The following STRA6 variants were observed in gnomAD, a reference collection of about 807,000 sequenced individuals.
STRA6 encodes receptor for retinol uptake STRA6.
STRA6 carries 48 observed loss-of-function variants against 83.6 expected under a neutral mutation model. The ratio of observed to expected loss-of-function variants is 0.57; its 90% CI spans 0.46 to 0.73. The LOEUF (loss-of-function observed/expected upper bound fraction) is 0.73, where lower values mean the gene tolerates loss of function less well. Among genes scored for constraint, STRA6 ranks in the 30% least tolerant of loss-of-function variants. The pLI is 0.00. For missense variants in STRA6, 760 were observed against 838.8 expected (o/e 0.91, Z 1.16); for synonymous variants, 353 against 362.3 (o/e 0.97, Z 0.29).
rs754307862 is a variant in STRA6 at position 74,195,466 on chromosome 15, C to A, written c.433G>T (p.Ala145Ser). Residue 145 changes from alanine to serine, a missense_variant and splice_region_variant, in exon 7 of 19, where the codon GCC (alanine) becomes TCC (serine). By Grantham distance (99) the Ala-to-Ser change is moderately conservative. Coordinates refer to ENST00000395105, the MANE Select transcript of STRA6 (RefSeq NM_022369.4). ...QDGKTEAPRG[A>S]WKILGLFYYA... is the part of the protein sequence containing the mutation. Reference sequence around the variant, plus strand: ...TAGAACAGTCCCAGTATCTTCCAGGCCCCTGGAAGGTGAAACAAGCAGAGA... The same window carrying A: ...TAGAACAGTCCCAGTATCTTCCAGGACCCTGGAAGGTGAAACAAGCAGAGA... 65 of 1,612,922 alleles carry A rather than the reference C, an allele frequency of 4.0e-5. No homozygotes were observed. The highest frequency in any genetic ancestry group is 5.2e-5 in the Non-Finnish European group (61 of 1,179,852).
Position 74,193,823 on chromosome 15 carries a change from G to T in STRA6, c.697C>A (p.Arg233Ser). The T allele has an allele frequency of 1.2e-6, 2 of 1,613,898 alleles. 1 individual carries two copies. Among genetic ancestry groups the T allele is most frequent in the South Asian group, 2.2e-5 (2 of 91,072 alleles). Reference sequence around the variant, plus strand: ...ACCTTGGAGCCTGCTCCTGTCCTACGGCTGAAGCTTCTCACCAGCTGCACA... The same window carrying T: ...ACCTTGGAGCCTGCTCCTGTCCTACTGCTGAAGCTTCTCACCAGCTGCACA... ...YPVQLVRSFS[R>S]RTGAGSKGLQ... The change falls in exon 8 of 19, where the codon CGT becomes AGT. Residue 233 changes from arginine to serine, a missense_variant. Physicochemically the swap from Arg to Ser is moderately radical, Grantham distance 110. Coordinates refer to ENST00000395105, the MANE Select transcript of STRA6 (RefSeq NM_022369.4).
rs771816488 is a variant in STRA6, at chr15:74,197,839, G to A, written c.114-21C>T. The A allele has an allele frequency of 6.8e-6, 11 of 1,611,576 alleles. No homozygotes were observed. The Middle Eastern group carries it at 4.9e-4, about 72-fold the overall frequency. On this transcript the variant is annotated intron_variant, in intron 2 of 18. Coordinates refer to ENST00000395105, the MANE Select transcript of STRA6 (RefSeq NM_022369.4). ...CTTCCCTGCAGAGCAAATGAAGGCTGGCTCAGGCCTGCGTCAGGCCCCCCT... is the reference window on the plus strand; with the variant it reads ...CTTCCCTGCAGAGCAAATGAAGGCTAGCTCAGGCCTGCGTCAGGCCCCCCT...
At chr15:74,196,978 G>T (rs531263069) in intron 4 of STRA6, among the ~76,000 whole-genome samples, 1 of 152,334 alleles carries the variant, frequency 6.6e-6, no homozygotes, top group East Asian at 1.9e-4. Flanking sequence ...TAGGGTCCAG[G>T]TGATACCCTC....
intron 1 of STRA6, 46 bp from the exon 2 acceptor site, chr15:74,202,328 A>G: frequency 6.3e-7 from 1 of 1,581,986 alleles, no homozygotes; most frequent in Non-Finnish European, 8.6e-7. Context: ...CAGATGTGAA[A>G]AGAGGCTTAA....
intron 10 of STRA6, 129 bp downstream of exon 10, chr15:74,191,038 C>G: frequency 6.4e-7 from 1 of 1,566,464 alleles, no homozygotes; most frequent in South Asian, 1.2e-5. Context: ...CCCGCTGTCC[C>G]AAGCTGGTAG....
At chr15:74,189,562 C>T (rs376190984) in intron 11 of STRA6, among the ~76,000 whole-genome samples, 2 of 152,080 alleles carry the variant, frequency 1.3e-5, no homozygotes, top group African/African-American at 4.8e-5. Flanking sequence ...CCAACCAATT[C>T]AATCAAGCGC....
At chr15:74,194,027 T>TG in intron 7 of STRA6, 105 bp from the exon 8 acceptor site, 3 of 1,546,098 alleles carry the variant, frequency 1.9e-6, no homozygotes, top group Non-Finnish European at 2.7e-6. Context: ...GAGGGTGGTC[T>TG]GGGGGGCCAT....
intron 18 of STRA6, 21 bp from the exon 19 acceptor site, chr15:74,180,264 G>T: frequency 6.2e-7 from 1 of 1,613,970 alleles, no homozygotes; most frequent in Middle Eastern, 1.6e-4. Flanking sequence ...CGGACTTTCT[G>T]TGAGTCACTC....
chr15:74,195,700 A>T (rs755580806), intron 5 of STRA6, 25 bp from the exon 6 acceptor site: 1 of 1,240,862 alleles, frequency 8.1e-7, no homozygotes, highest in South Asian at 1.3e-5. Flanking sequence ...TAATCACAGT[A>T]TATTAGCAAG....
chr15:74,191,317 T>C, intron 9 of STRA6, 74 bp from the exon 10 acceptor site: 1 of 1,607,240 alleles, frequency 6.2e-7, no homozygotes, highest in South Asian at 1.1e-5. Context: ...CAGAGGCTGG[T>C]CATTCTTCCC....
chr15:74,183,435 G>A lies in STRA6; in HGVS notation c.1300+421C>T, dbSNP rs1424944128. Reference sequence around the variant, plus strand: ...TAATTTTTGTATTTTTAGTAGAGACGGGGTCTCACCATGTTGGCCAGGCTG... The same window carrying A: ...TAATTTTTGTATTTTTAGTAGAGACAGGGTCTCACCATGTTGGCCAGGCTG... On this transcript the variant is annotated intron_variant, in intron 14 of 18. Transcript: ENST00000395105. 2.2e-5 allele frequency: 20 copies of A among 896,022 alleles called. No individual in the cohort carries two copies. In the South Asian group the frequency reaches 4.1e-4, roughly 18 times the overall value. The allele number at this position is 896,022 out of a possible 1,614,324, so 55.5% of individuals were successfully genotyped here. A position where few individuals can be genotyped will look rare whatever the true frequency, so the allele number is the denominator to read the frequency against.
intron 2 of STRA6, among the ~76,000 whole-genome samples, chr15:74,200,296 G>T (rs2073999815): frequency 6.6e-6 from 1 of 152,204 alleles, no homozygotes; most frequent in African/African-American, 2.4e-5. Context: ...GTGGAGGGAA[G>T]TGCATGAGGA....
At position 74,188,421 on chromosome 15, in the gene STRA6, G is replaced by C. The variant is rs114498148; in HGVS notation, c.1090+694C>G. Among the ~76,000 whole-genome samples the C allele has an allele frequency of 0.02, 2,991 of 152,346 alleles. 108 individuals are homozygous for C. Among genetic ancestry groups the C allele is most frequent in the African/African-American group, 0.068 (2,843 of 41,564 alleles). ...CCGGGCTTTGTCCCAAGGTGATGGA[G>C]AAGGCCCCCGCCTAGGCTTCAGGAG... On this transcript the variant is annotated intron_variant, in intron 12 of 18. Transcript: ENST00000395105. This position sits in a 1 kb window ranked among gnomAD's most constrained non-coding sequence, Gnocchi z 4.5.
At position 74,180,215 on chromosome 15, in the gene STRA6, G is replaced by A; in HGVS notation, c.1869C>T (p.Ser623=). The change falls in exon 19 of 19, where the codon TCC becomes TCT. Residue 623 remains serine (S), a synonymous_variant. Transcript: ENST00000395105. ...CCCCGGGCCTAGCTCCCTTGGCCATGGAGTCCTTTGTCTGTAGCAGCTGCA... is the reference window on the plus strand; with the variant it reads ...CCCCGGGCCTAGCTCCCTTGGCCATAGAGTCCTTTGTCTGTAGCAGCTGCA... The part of the protein sequence containing the change: ...EGMQLLQTKD[S]MAKGARPGAS... The A allele has an allele frequency of 6.2e-7, 1 of 1,614,130 alleles. No homozygotes were observed. Among genetic ancestry groups the A allele is most frequent in the Non-Finnish European group, 8.5e-7 (1 of 1,180,028 alleles).
chr15:74,198,667 A>G (rs1567196423), intron 2 of STRA6, among the ~76,000 whole-genome samples: 5 of 152,098 alleles, frequency 3.3e-5, no homozygotes, highest in African/African-American at 7.2e-5. Context: ...GCCTCCATGG[A>G]CAGCCATGCA....
upstream of STRA6, chr15:74,209,322 A>T: frequency 1.3e-6 from 2 of 1,494,606 alleles, no homozygotes; most frequent in Non-Finnish European, 1.8e-6. Flanking sequence ...GTTTCCCCAG[A>T]TGTGGCCTTA....
chr15:74,202,967 C>A, upstream of STRA6: 3 of 986,420 alleles, frequency 3.0e-6, no homozygotes, highest in Middle Eastern at 5.2e-4. Context: ...TGGCCAGGAG[C>A]CACCCCCACC....
intron 8 of STRA6, 54 bp downstream of exon 8, chr15:74,193,746 A>G: frequency 6.2e-7 from 1 of 1,607,812 alleles, no homozygotes. Flanking sequence ...GATACGGGGG[A>G]GTAGGGCTGT....
chr15:74,208,920 C>G (rs1454746228), exon 1 of STRA6: 1 of 993,674 alleles, frequency 1.0e-6, no homozygotes, highest in African/African-American at 1.7e-5. Context: ...GCCTTCTCCT[C>G]TGAGCCCAGC....
Sources: allele counts gnomAD v4.1 joint callset (sites outside exome capture counted in the v4.1 genomes callset), GRCh38; gene constraint gnomAD v4.1.1; non-coding constraint Gnocchi (gnomAD v3.1); transcripts MANE v1.5; gene names NCBI Gene and HGNC (gene_info 2026-07-23, HGNC 2026-07-21).